The following AMZ1 variants were observed in gnomAD, a reference collection of about 807,000 sequenced individuals.
The protein encoded by AMZ1 is archaelysin family metallopeptidase 1, also known as archaemetzincin-1.
In AMZ1, 39 loss-of-function variants were observed where a neutral mutation model predicts 29.9. The observed-to-expected ratio is 1.30, with a 90% CI of 1.01 to 1.70. The LOEUF (loss-of-function observed/expected upper bound fraction) is 1.70. Among genes scored for constraint, AMZ1 ranks in the 40% most tolerant of loss-of-function variants. The pLI is 0.00. For synonymous variants in AMZ1, 458 were observed against 304.0 expected (o/e 1.51, Z -5.27); for missense variants, 1,041 against 680.6 (o/e 1.53, Z -5.89).
upstream of AMZ1, among the ~76,000 whole-genome samples, chr7:2,684,595 C>T (rs1016073116): frequency 1.2e-4 from 19 of 152,326 alleles, no homozygotes; most frequent in African/African-American, 3.8e-4. Flanking sequence ...TAGACTCTGA[C>T]GAGGTAGCTT....
chr7:2,709,307 C>T, intron 5 of AMZ1, 63 bp downstream of exon 5: 20 of 1,429,444 alleles, frequency 1.4e-5, no homozygotes, highest in South Asian at 1.3e-4. Context: ...CCCTTGGTGC[C>T]TCGGTCTGTT....
In AMZ1 at chr7:2,712,441, T is replaced by C; in HGVS notation, c.1060T>C (p.Cys354Arg). 6.2e-7 allele frequency: 1 copy of C among 1,611,900 alleles called. No homozygotes were observed. Among genetic ancestry groups the C allele is most frequent in the Non-Finnish European group, 8.5e-7 (1 of 1,179,724 alleles). ...PPASADSGMCCESDSEPGTSV... is the reference protein window; with the variant it reads ...PPASADSGMCRESDSEPGTSV... Reference sequence around the variant, plus strand: ...TGCCAGCGCCGACTCGGGCATGTGCTGTGAGAGTGACTCGGAGCCCGGCAC... The same window carrying C: ...TGCCAGCGCCGACTCGGGCATGTGCCGTGAGAGTGACTCGGAGCCCGGCAC... Residue 354 changes from cysteine (C) to arginine (R), a missense_variant, in exon 7 of 7, where the codon TGT becomes CGT. Transcript: ENST00000683327.
At chr7:2,708,894 G>A (rs1245312373) in intron 4 of AMZ1, among the ~76,000 whole-genome samples, 178 bp downstream of exon 4, 1 of 152,232 alleles carries the variant, frequency 6.6e-6, no homozygotes, top group African/African-American at 2.4e-5. Context: ...CATAGGGGCT[G>A]TTCCTCAGCT....
chr7:2,758,117 C>T (rs1791388860), intron 4 of AMZ1, among the ~76,000 whole-genome samples: 1 of 152,138 alleles, frequency 6.6e-6, no homozygotes, highest in Non-Finnish European at 1.5e-5. Context: ...TTATGGAAAG[C>T]CCCTCTATTT....
chr7:2,682,554 G>A (rs1462924615), intron 1 of AMZ1, among the ~76,000 whole-genome samples: 1 of 152,172 alleles, frequency 6.6e-6, no homozygotes, highest in African/African-American at 2.4e-5. Flanking sequence ...CCCAAGTCCC[G>A]CAGGCAGTGC....
At chr7:2,683,022 G>C (rs891441921) in intron 1 of AMZ1, among the ~76,000 whole-genome samples, 1 of 152,224 alleles carries the variant, frequency 6.6e-6, no homozygotes, top group Non-Finnish European at 1.5e-5. Flanking sequence ...CTGAGCTGCA[G>C]AGAGGCCAAG....
intron 4 of AMZ1, among the ~76,000 whole-genome samples, chr7:2,744,437 AAC>A (rs1790668173): frequency 6.6e-6 from 1 of 152,256 alleles, no homozygotes; most frequent in Non-Finnish European, 1.5e-5. Context: ...AGCAAACTCC[AAC>A]AGACCTGCAG....
chr7:2,750,444 G>T lies in AMZ1; in HGVS notation n.551-14268G>T, dbSNP rs1322427723. On this transcript the variant is annotated intron_variant and non_coding_transcript_variant, in intron 4 of 4. Coordinates refer to the AMZ1 transcript ENST00000489665. ...GACACATGCTGAGACCTCAGTGGATGCCTGAAGCCTTGAATAATACCCAAC... is the reference window on the plus strand; with the variant it reads ...GACACATGCTGAGACCTCAGTGGATTCCTGAAGCCTTGAATAATACCCAAC... 2.0e-5 allele frequency among the ~76,000 whole-genome samples: 3 copies of T among 152,210 alleles called. No homozygotes were observed. In the East Asian group the frequency reaches 5.8e-4, roughly 29 times the overall value.
chr7:2,722,423 C>G (rs374016088), downstream of AMZ1, among the ~76,000 whole-genome samples: 1 of 152,132 alleles, frequency 6.6e-6, no homozygotes, highest in East Asian at 1.9e-4. Context: ...CAGGCGCCCG[C>G]CACCATGCCC....
Position 2,742,180 on chromosome 7 carries a change from C to A in AMZ1, n.551-22532C>A, listed in dbSNP as rs182008105. Among the ~76,000 whole-genome samples, 264 of 151,938 alleles carry A rather than the reference C, an allele frequency of 1.7e-3. 3 individuals carry two copies. The highest frequency in any genetic ancestry group is 5.9e-3 in the African/African-American group (245 of 41,402). On this transcript the variant is annotated intron_variant and non_coding_transcript_variant, in intron 4 of 4. Transcript: ENST00000489665. ...GGGATTACAGAGGTGCACCACCATA[C>A]CTGGCTAATTTTTGTATTTTTACTA...
chr7:2,733,835 G>C (rs1436131184), intron 4 of AMZ1, among the ~76,000 whole-genome samples: 1 of 152,224 alleles, frequency 6.6e-6, no homozygotes, highest in South Asian at 2.1e-4. Flanking sequence ...TCCTGGCCAT[G>C]CGGCCAGCAA....
chr7:2,762,748 G>T (rs751185082), upstream of AMZ1: 3 of 1,553,224 alleles, frequency 1.9e-6, no homozygotes, highest in African/African-American at 2.7e-5. Flanking sequence ...CCCGCAGGAA[G>T]TGCACCAGGC....
chr7:2,733,904 G>A (rs903399408), intron 4 of AMZ1, among the ~76,000 whole-genome samples: 28 of 152,300 alleles, frequency 1.8e-4, no homozygotes, highest in African/African-American at 5.8e-4. Context: ...TGCTTCTGTC[G>A]AAGATGGCCT....
chr7:2,708,925 C>A (rs1161943119), intron 4 of AMZ1, 150 bp from the exon 5 acceptor site: 2 of 1,271,474 alleles, frequency 1.6e-6, no homozygotes, highest in Non-Finnish European at 2.1e-6. Flanking sequence ...CCCCAGGGCC[C>A]AACTTCATGT....
At chr7:2,758,282 T>C (rs537869435) in intron 4 of AMZ1, among the ~76,000 whole-genome samples, 1 of 152,236 alleles carries the variant, frequency 6.6e-6, no homozygotes, top group East Asian at 1.9e-4. Context: ...CCTAGCACTT[T>C]AAGAAAACAA....
intron 4 of AMZ1, among the ~76,000 whole-genome samples, chr7:2,736,014 C>T (rs1790154342): frequency 1.3e-5 from 2 of 152,200 alleles, no homozygotes; most frequent in Admixed American, 1.3e-4. Flanking sequence ...CTGGACAATG[C>T]ACCTGCTGAT....
At chr7:2,687,127 T>C (rs142947489), upstream of AMZ1, among the ~76,000 whole-genome samples, 1,319 of 152,070 alleles carry the variant, frequency 8.7e-3, 12 homozygotes, top group Non-Finnish European at 0.013. Context: ...AAGAGTTTGA[T>C]ACCAGCCTGG....
At chr7:2,732,974 C>T (rs894293864) in intron 4 of AMZ1, among the ~76,000 whole-genome samples, 6 of 152,160 alleles carry the variant, frequency 3.9e-5, no homozygotes, top group Non-Finnish European at 2.9e-5. Context: ...GTTGACATTA[C>T]GGAATTACTG....
In AMZ1 at chr7:2,733,653, C is replaced by G. The variant is rs1790014350; in HGVS notation, n.550+23837C>G. ...AAGGCAGAGAGTGTCCGTGTGTTTT[C>G]TAAAATAAAAAAACTACCATTAAAG... is the stretch of plus-strand genomic sequence containing the variant. On this transcript the variant is annotated intron_variant and non_coding_transcript_variant, in intron 4 of 4. Transcript: ENST00000489665. The G allele has an allele frequency of 1.6e-5, 10 of 639,210 alleles. No homozygotes were observed. The South Asian group carries it at 1.8e-4, about 12-fold the overall frequency. 39.6% of individuals were successfully genotyped at this position (639,210 alleles called of 1,614,324 possible). A position where few individuals can be genotyped will look rare whatever the true frequency, so the allele number is the denominator to read the frequency against.
Sources: gnomAD v4.1 joint callset for allele counts (sites outside exome capture counted in the v4.1 genomes callset) on GRCh38, gnomAD v4.1.1 for gene constraint, MANE v1.5 for transcripts, NCBI Gene and HGNC (gene_info 2026-07-23, HGNC 2026-07-21) for gene names.